DRD2: variants seen among roughly 807,000 people sequenced by gnomAD.
DRD2 encodes dopamine receptor D2.
Under a neutral mutation model 38.0 loss-of-function variants are expected in DRD2, and 8 were observed. That is an observed-to-expected ratio of 0.21 (90% CI 0.12 to 0.38). The LOEUF (loss-of-function observed/expected upper bound fraction) is 0.38, where lower values mean the gene tolerates loss of function less well. Ranked by LOEUF, DRD2 falls within the 10% of genes least tolerant of loss-of-function variation. The pLI is 1.00. For missense variants in DRD2, 403 were observed against 607.7 expected (o/e 0.66, Z 3.54); for synonymous variants, 230 against 238.6 (o/e 0.96, Z 0.33).
intron 1 of DRD2, among the ~76,000 whole-genome samples, chr11:113,441,458 A>G (rs966227067): frequency 1.3e-5 from 2 of 152,202 alleles, no homozygotes; most frequent in Non-Finnish European, 2.9e-5. Context: ...TTGTTGAAAA[A>G]CTGGCATTTT....
chr11:113,442,671 T>C (rs1006849319), intron 1 of DRD2, among the ~76,000 whole-genome samples: 2 of 152,236 alleles, frequency 1.3e-5, no homozygotes, highest in Admixed American at 6.5e-5. Context: ...TCTCTCTCCC[T>C]AAAGGTTCCA....
At chr11:113,414,153 G>T in intron 6 of DRD2, 3 of 614,612 alleles carry the variant, frequency 4.9e-6, no homozygotes, top group Non-Finnish European at 8.8e-6. Context: ...CGTTGGTATG[G>T]CCAACCATTT....
intron 2 of DRD2, among the ~76,000 whole-genome samples, chr11:113,422,176 T>C (rs2138175773): frequency 1.3e-5 from 2 of 152,286 alleles, no homozygotes; most frequent in Middle Eastern, 3.4e-3. Flanking sequence ...TACTCTCTCC[T>C]TCCTCTTTAT....
chr11:113,435,363 C>T (rs1415931946), intron 1 of DRD2, among the ~76,000 whole-genome samples: 1 of 151,470 alleles, frequency 6.6e-6, no homozygotes, highest in African/African-American at 2.4e-5. Context: ...CTCAGTGATG[C>T]TGAGCGGGGT....
intron 1 of DRD2, among the ~76,000 whole-genome samples, chr11:113,470,254 G>T (rs913813374): frequency 2.6e-5 from 4 of 152,208 alleles, no homozygotes; most frequent in African/African-American, 9.7e-5. Context: ...GGAGGGGGTG[G>T]AAATGAGAAG....
chr11:113,469,272 A>G (rs1951399110), intron 1 of DRD2, among the ~76,000 whole-genome samples: 1 of 152,116 alleles, frequency 6.6e-6, no homozygotes, highest in African/African-American at 2.4e-5. Flanking sequence ...CCAGGTACAG[A>G]ACACTTCCTC....
rs545175124 is a variant in DRD2, at chr11:113,470,022, G to C, written c.-32+5054C>G. ...TAAATGCTGGCCGTTATGATGATGA[G>C]GCCAGCAAAGGAGGGTCTGGTGAAC... On this transcript the variant is annotated intron_variant, in intron 1 of 7. Transcript: ENST00000362072. Among the ~76,000 whole-genome samples the C allele has an allele frequency of 3.3e-5, 5 of 152,234 alleles. No individual in the cohort carries two copies. In the South Asian group the frequency reaches 1.0e-3, roughly 32 times the overall value.
chr11:113,411,106 T>A (rs1950765806), intron 7 of DRD2, among the ~76,000 whole-genome samples, 186 bp from the exon 8 acceptor site: 1 of 152,158 alleles, frequency 6.6e-6, no homozygotes, highest in Non-Finnish European at 1.5e-5. Flanking sequence ...GAAGTATCCC[T>A]TCAGCTCCTT....
At chr11:113,447,373 AC>A in intron 1 of DRD2, among the ~76,000 whole-genome samples, 1 of 151,224 alleles carries the variant, frequency 6.6e-6, no homozygotes, top group African/African-American at 2.4e-5. Flanking sequence ...TTTCTGGCAC[AC>A]CCCTGTTACA....
chr11:113,473,994 C>G (rs1455276020), intron 1 of DRD2, among the ~76,000 whole-genome samples: 1 of 152,206 alleles, frequency 6.6e-6, no homozygotes, highest in Non-Finnish European at 1.5e-5. Flanking sequence ...AGGCTTGGAT[C>G]TGCAGAAGGA....
chr11:113,451,603 G>T (rs147570973), intron 1 of DRD2, among the ~76,000 whole-genome samples: 2 of 152,142 alleles, frequency 1.3e-5, no homozygotes, highest in Non-Finnish European at 2.9e-5. Context: ...TGATTCTCCT[G>T]CCTCAGCCTC....
chr11:113,414,529 T>G, intron 5 of DRD2, 68 bp from the exon 6 acceptor site: 2 of 1,531,694 alleles, frequency 1.3e-6, no homozygotes, highest in Non-Finnish European at 1.8e-6. Context: ...AAACCCAAAG[T>G]GCAGCAGTCC....
chr11:113,427,327 T>A (rs1950949397), intron 1 of DRD2, among the ~76,000 whole-genome samples: 1 of 152,048 alleles, frequency 6.6e-6, no homozygotes, highest in Non-Finnish European at 1.5e-5. Context: ...TTGCCTAGAA[T>A]CCTCCTGTCT....
At chr11:113,463,482 G>T (rs1454719844) in intron 1 of DRD2, among the ~76,000 whole-genome samples, 5 of 148,164 alleles carry the variant, frequency 3.4e-5, no homozygotes, top group African/African-American at 1.2e-4. Context: ...TCATTCATGT[G>T]TAGAGTTAGT....
chr11:113,412,960 C>A, intron 6 of DRD2, 77 bp from the exon 7 acceptor site: 1 of 1,481,362 alleles, frequency 6.8e-7, no homozygotes. Context: ...CTGGCCCCTC[C>A]CTTTCCCCCT....
At chr11:113,413,232 G>C (rs1012789995) in intron 6 of DRD2, 10 of 617,984 alleles carry the variant, frequency 1.6e-5, no homozygotes, top group Non-Finnish European at 2.5e-5. Flanking sequence ...AGCTGATGAT[G>C]TTTGGCCCTG....
At chr11:113,427,476 G>C (rs938361435) in intron 1 of DRD2, among the ~76,000 whole-genome samples, 1 of 152,110 alleles carries the variant, frequency 6.6e-6, no homozygotes, top group Admixed American at 6.5e-5. Flanking sequence ...CATCACAAGA[G>C]TTACAACATG....
intron 2 of DRD2, among the ~76,000 whole-genome samples, chr11:113,423,774 C>T (rs1180043508): frequency 6.6e-6 from 1 of 152,192 alleles, no homozygotes; most frequent in African/African-American, 2.4e-5. Context: ...CAGTCCATGG[C>T]AGCCTCTACC....
In DRD2 at chr11:113,417,044, C is replaced by T. The variant is rs747759160; in HGVS notation, c.396-45G>A. Reference sequence around the variant, plus strand: ...TGAATCTGGGGTGCAGGCCCAGGGACCCCTCACTCCACAATATGCACACAC... The same window carrying T: ...TGAATCTGGGGTGCAGGCCCAGGGATCCCTCACTCCACAATATGCACACAC... On this transcript the variant is annotated intron_variant, in intron 3 of 7. Transcript: ENST00000362072. 16 of 1,606,034 alleles carry T rather than the reference C, an allele frequency of 1.0e-5. No homozygotes were observed. In the Admixed American group the frequency reaches 2.5e-4, roughly 25 times the overall value.
Sources: gnomAD v4.1 joint callset for allele counts (sites outside exome capture counted in the v4.1 genomes callset) on GRCh38, gnomAD v4.1.1 for gene constraint, MANE v1.5 for transcripts, NCBI Gene and HGNC (gene_info 2026-07-23, HGNC 2026-07-21) for gene names.